Variants in CSMD2 observed in about 807,000 individuals in gnomAD.
CSMD2 encodes the protein CUB and sushi domain-containing protein 2.
Under a neutral mutation model 398.5 loss-of-function variants are expected in CSMD2, and 130 were observed. That is an observed-to-expected ratio of 0.33 (90% CI 0.28 to 0.38). The LOEUF (loss-of-function observed/expected upper bound fraction) is 0.38. Among genes scored for constraint, CSMD2 ranks in the 10% least tolerant of loss-of-function variants. The pLI, the probability that CSMD2 is intolerant of heterozygous loss-of-function variation, is 1.00. For missense variants in CSMD2, 3,829 were observed against 4,764.9 expected, an observed-to-expected ratio of 0.80 and a Z score of 5.78; for synonymous variants, 1,828 against 1,908.5, an observed-to-expected ratio of 0.96 and a Z score of 1.10.
intron 48 of CSMD2, 95 bp from the exon 49 acceptor site, chr1:33,577,579 C>T (rs921344316): frequency 6.3e-6 from 7 of 1,113,554 alleles, no homozygotes; most frequent in Middle Eastern, 2.1e-4. Flanking sequence ...TCCCCCCCAT[C>T]CCCTTGTCTT....
At chr1:33,516,820 G>C (rs1446039982) in intron 70 of CSMD2, among the ~76,000 whole-genome samples, 1 of 151,962 alleles carries the variant, frequency 6.6e-6, no homozygotes, top group Non-Finnish European at 1.5e-5. Flanking sequence ...TTCGCCATTA[G>C]ACCTGGAGGC....
intron 3 of CSMD2, among the ~76,000 whole-genome samples, chr1:33,974,378 T>C (rs1255457829): frequency 6.6e-6 from 1 of 152,220 alleles, no homozygotes; most frequent in Non-Finnish European, 1.5e-5. Context: ...GCCTTTCTTC[T>C]GGAAATGCTC....
At chr1:33,957,052 C>A (rs1023117144) in intron 3 of CSMD2, among the ~76,000 whole-genome samples, 5 of 152,146 alleles carry the variant, frequency 3.3e-5, no homozygotes, top group African/African-American at 1.2e-4. Context: ...TCACCTATCA[C>A]CTCCCCCGAG....
In CSMD2 at chr1:34,022,545, G is replaced by A. The variant is rs140416365; in HGVS notation, c.517+10049C>T. On this transcript the variant is annotated intron_variant, in intron 3 of 70. Transcript: ENST00000373381. ...TGATGCACATGATAGAAGGAGAAGT[G>A]CAGGGAGCCAAGAGGTAATAGAATA... is the stretch of plus-strand genomic sequence containing the variant. Among the ~76,000 whole-genome samples the A allele has an allele frequency of 1.8e-4, 28 of 152,322 alleles. No individual in the cohort carries two copies. The East Asian group carries it at 4.6e-3, about 25-fold the overall frequency.
rs1015730134 is a variant in CSMD2 at position 33,626,680 on chromosome 1, T to C, written c.5201-99A>G. On this transcript the variant is annotated intron_variant, in intron 32 of 70. Transcript: ENST00000373381. ...GGAAGGAGGGGCTGCCAGTACCCCA[T>C]GCAGCAATTCCTTCCACATTCCAGG... The C allele has an allele frequency of 4.1e-6, 3 of 727,044 alleles. No homozygotes were observed. In the African/African-American group the frequency reaches 5.3e-5, roughly 13 times the overall value. 45.0% of individuals were successfully genotyped at this position (727,044 alleles called of 1,614,324 possible). A position where few individuals can be genotyped will look rare whatever the true frequency, so the allele number is the denominator to read the frequency against.
At chr1:33,590,228 C>A (rs1032371140) in intron 44 of CSMD2, among the ~76,000 whole-genome samples, 4 of 151,064 alleles carry the variant, frequency 2.6e-5, no homozygotes, top group East Asian at 1.9e-4. Flanking sequence ...CTTAAGCTAT[C>A]CTCTCACCTC....
intron 1 of CSMD2, among the ~76,000 whole-genome samples, chr1:34,126,715 G>T (rs2148484999): frequency 6.6e-6 from 1 of 152,202 alleles, no homozygotes; most frequent in South Asian, 2.1e-4. Context: ...TCGCTGTCAG[G>T]GGCATCACAG....
intron 12 of CSMD2, among the ~76,000 whole-genome samples, chr1:33,781,945 G>C (rs1395297293): frequency 2.0e-5 from 3 of 151,762 alleles, no homozygotes; most frequent in Non-Finnish European, 4.4e-5. Flanking sequence ...TTTCTGGGAA[G>C]CAAATGCCCC....
chr1:33,757,605 A>AC (rs1307308589), intron 13 of CSMD2, among the ~76,000 whole-genome samples: 7 of 152,098 alleles, frequency 4.6e-5, no homozygotes, highest in Admixed American at 3.3e-4. Context: ...AAACCCTCCT[A>AC]CCACACTCCA....
rs187651614 is a variant in CSMD2, at chr1:33,996,356, C to T, written c.517+36238G>A. On this transcript the variant is annotated intron_variant, in intron 3 of 70. Transcript: ENST00000373381. ...TACTCGGTCAAGCTTTGAATCCCTC[C>T]GCCCTGGCTTTTCCACGAAAACCTC... 1.2e-4 allele frequency among the ~76,000 whole-genome samples: 18 copies of T among 152,344 alleles called. No individual in the cohort carries two copies. In the East Asian group the frequency reaches 3.1e-3, roughly 26 times the overall value.
intron 36 of CSMD2, among the ~76,000 whole-genome samples, chr1:33,622,937 A>G (rs1348805017): frequency 6.6e-6 from 1 of 152,246 alleles, no homozygotes; most frequent in African/African-American, 2.4e-5. Context: ...TGATGAATGG[A>G]CACACAAAAT....
chr1:33,762,845 C>T (rs999348202), intron 13 of CSMD2, among the ~76,000 whole-genome samples: 7 of 152,108 alleles, frequency 4.6e-5, no homozygotes, highest in Non-Finnish European at 8.8e-5. Context: ...ATCACTTGCC[C>T]GGTGCTGAGT....
At chr1:33,873,801 C>G (rs1339517219) in intron 5 of CSMD2, 3 of 152,230 alleles carry the variant, frequency 2.0e-5, no homozygotes, top group African/African-American at 4.8e-5. Context: ...AATGTTGTTT[C>G]AAACCACTAA....
chr1:33,893,244 T>C (rs1262726662), intron 5 of CSMD2, among the ~76,000 whole-genome samples: 1 of 152,202 alleles, frequency 6.6e-6, no homozygotes, highest in African/African-American at 2.4e-5. Flanking sequence ...CATTGAGTAC[T>C]TGCTCTGTGC....
intron 5 of CSMD2, among the ~76,000 whole-genome samples, chr1:33,911,708 C>T (rs1358632056): frequency 6.6e-6 from 1 of 152,116 alleles, no homozygotes; most frequent in Non-Finnish European, 1.5e-5. Flanking sequence ...ATTCTCTTTC[C>T]AAAAACAGCC....
chr1:34,011,994 C>T (rs146970862), intron 3 of CSMD2, among the ~76,000 whole-genome samples: 15 of 152,334 alleles, frequency 9.8e-5, no homozygotes, highest in African/African-American at 3.4e-4. Flanking sequence ...CTGCTACTGA[C>T]AGTGAGACTA....
Position 33,587,095 on chromosome 1 carries a change from G to A in CSMD2, c.6930C>T (p.Phe2310=). ...NAEVVTENEE[F]NIGDIVRYRC... is the part of the protein sequence containing the mutation. ...TGGCTTGGGAGGTGGTACCTATATT[G>A]AATTCTTCATTCTCTGTGACGACTT... The change falls in exon 45 of 71, where the codon TTC becomes TTT. Residue 2310 remains phenylalanine, a synonymous_variant. Coordinates refer to ENST00000373381, the MANE Select transcript of CSMD2 (RefSeq NM_001281956.2). 6.2e-7 allele frequency: 1 copy of A among 1,604,352 alleles called. No individual in the cohort carries two copies. The highest frequency in any genetic ancestry group is 8.5e-7 in the Non-Finnish European group (1 of 1,175,490).
intron 2 of CSMD2, among the ~76,000 whole-genome samples, chr1:34,080,919 G>T (rs111347905): frequency 0.054 from 3,772 of 69,874 alleles, 60 homozygotes; most frequent in Non-Finnish European, 0.084. Flanking sequence ...GACTAACTGA[G>T]TGGAAAGAAA....
At chr1:34,013,695 GA>G (rs950891349) in intron 3 of CSMD2, among the ~76,000 whole-genome samples, 1 of 151,946 alleles carries the variant, frequency 6.6e-6, no homozygotes, top group African/African-American at 2.4e-5. Flanking sequence ...CACACCTGGG[GA>G]AAAAAAGGGG....
Sources: allele counts gnomAD v4.1 joint callset (sites outside exome capture counted in the v4.1 genomes callset), GRCh38; gene constraint gnomAD v4.1.1; transcripts MANE v1.5; gene names NCBI Gene and HGNC (gene_info 2026-07-23, HGNC 2026-07-21).